Variants in CCDC88C observed in about 807,000 individuals in gnomAD.
CCDC88C encodes protein Daple.
Under a neutral mutation model 198.8 loss-of-function variants are expected in CCDC88C, and 131 were observed. The observed-to-expected ratio is 0.66, with a 90% CI of 0.57 to 0.76. The LOEUF (loss-of-function observed/expected upper bound fraction) is 0.76. Ranked by LOEUF, CCDC88C falls within the 30% of genes least tolerant of loss-of-function variation. The probability of loss-of-function intolerance (pLI) is 0.00; values close to 1 mark genes in which losing one functional copy is unlikely to be tolerated. For missense variants in CCDC88C, 2,553 were observed against 2,631.6 expected, an observed-to-expected ratio of 0.97 and a Z score of 0.65; for synonymous variants, 1,166 against 1,114.7, an observed-to-expected ratio of 1.05 and a Z score of -0.92.
At chr14:91,394,523 G>A (rs1033316150) in intron 3 of CCDC88C, among the ~76,000 whole-genome samples, 16 of 152,212 alleles carry the variant, frequency 1.1e-4, no homozygotes, top group East Asian at 1.9e-4. Flanking sequence ...GTGTGACACC[G>A]TGCTCCCTGA....
chr14:91,376,164 C>A (rs1470530875), intron 3 of CCDC88C, among the ~76,000 whole-genome samples: 1 of 151,854 alleles, frequency 6.6e-6, no homozygotes, highest in African/African-American at 2.4e-5. Context: ...CCCCCCAGGA[C>A]AGGGTGACGA....
chr14:91,362,934 A>AG (rs953889108), intron 3 of CCDC88C, among the ~76,000 whole-genome samples: 1 of 145,670 alleles, frequency 6.9e-6, no homozygotes, highest in African/African-American at 2.8e-5. Context: ...ATCTCAGGAA[A>AG]AAAAAAAAAA....
chr14:91,368,207 C>T (rs1894627494), intron 3 of CCDC88C, among the ~76,000 whole-genome samples: 3 of 152,180 alleles, frequency 2.0e-5, no homozygotes. Context: ...ACCTACTGTT[C>T]TGCTCTATCA....
chr14:91,370,465 C>G (rs1218141088), intron 3 of CCDC88C, among the ~76,000 whole-genome samples: 1 of 152,188 alleles, frequency 6.6e-6, no homozygotes, highest in Non-Finnish European at 1.5e-5. Flanking sequence ...TGGGTGATGC[C>G]CTGGATTGCT....
At chr14:91,299,465 G>A (rs1431696462) in intron 21 of CCDC88C, among the ~76,000 whole-genome samples, 1 of 152,198 alleles carries the variant, frequency 6.6e-6, no homozygotes, top group African/African-American at 2.4e-5. Flanking sequence ...GGGAAGGTGC[G>A]CATCCAGTGA....
intron 3 of CCDC88C, among the ~76,000 whole-genome samples, chr14:91,391,257 C>CAA (rs144036813): frequency 1.4e-5 from 2 of 142,016 alleles, no homozygotes; most frequent in African/African-American, 5.2e-5. Flanking sequence ...CAAAACAAAA[C>CAA]AAAAAAAAAA....
intron 3 of CCDC88C, among the ~76,000 whole-genome samples, chr14:91,373,917 C>T (rs1049149375): frequency 6.6e-6 from 1 of 152,190 alleles, no homozygotes. Flanking sequence ...CCTCAAACCC[C>T]TCCGCCGGCA....
intron 16 of CCDC88C, 46 bp downstream of exon 16, chr14:91,309,813 T>C (rs1052930636): frequency 1.4e-5 from 22 of 1,581,996 alleles, no homozygotes; most frequent in Non-Finnish European, 1.9e-5. Flanking sequence ...GACTGAACAG[T>C]GGAGGAAGTG....
chr14:91,376,776 G>A (rs971912406), intron 3 of CCDC88C, among the ~76,000 whole-genome samples: 3 of 152,186 alleles, frequency 2.0e-5, no homozygotes, highest in Non-Finnish European at 4.4e-5. Context: ...TCAGCCCCCA[G>A]CTGGCTGCCC....
intron 3 of CCDC88C, among the ~76,000 whole-genome samples, chr14:91,383,512 A>G (rs1884937334): frequency 6.6e-6 from 1 of 152,038 alleles, no homozygotes; most frequent in Non-Finnish European, 1.5e-5. Flanking sequence ...GAAAGTGGGG[A>G]GCCAGGGACA....
At chr14:91,291,712 G>T (rs935707844) in intron 23 of CCDC88C, among the ~76,000 whole-genome samples, 12 of 152,082 alleles carry the variant, frequency 7.9e-5, no homozygotes, top group Admixed American at 1.3e-4. Flanking sequence ...AGGGCACAGT[G>T]GGGCGGACTT....
intron 3 of CCDC88C, among the ~76,000 whole-genome samples, chr14:91,365,353 G>A (rs948634274): frequency 3.3e-5 from 5 of 152,204 alleles, no homozygotes; most frequent in African/African-American, 1.2e-4. Flanking sequence ...AAGGAAAGGG[G>A]TCTGAGCGCC....
chr14:91,411,710 C>T (rs1886795956), intron 2 of CCDC88C, among the ~76,000 whole-genome samples: 1 of 152,058 alleles, frequency 6.6e-6, no homozygotes, highest in Non-Finnish European at 1.5e-5. Flanking sequence ...TGCCTGTAAC[C>T]CCAGCACTTT....
chr14:91,382,698 T>G (rs1247920886), intron 3 of CCDC88C, among the ~76,000 whole-genome samples: 2 of 152,214 alleles, frequency 1.3e-5, no homozygotes, highest in African/African-American at 4.8e-5. Flanking sequence ...TCCCAAGGAC[T>G]ACCTGGCCTC....
rs762391668 is a variant in CCDC88C at position 91,313,838 on chromosome 14, T to C, written c.1978A>G (p.Lys660Glu). The change falls in exon 15 of 30, where the codon AAA (lysine) becomes GAA (glutamate). Residue 660 changes from lysine to glutamate, a missense_variant. By Grantham distance (56) the Lys-to-Glu change is moderately conservative. Transcript: ENST00000389857. This position sits in a 1 kb window ranked among gnomAD's most constrained non-coding sequence, Gnocchi z 5.2. ...CTCTCATGCTCCAGGGCCTCGACTT[T>C]CTCGGTGGCTGTCTCCAGGGAGGTC... is the stretch of plus-strand genomic sequence containing the variant. ...KVTSLETATE[K>E]VEALEHESQG... The C allele has an allele frequency of 1.2e-6, 2 of 1,603,488 alleles. No homozygotes were observed. The highest frequency in any genetic ancestry group is 2.2e-5 in the South Asian group (2 of 90,626).
chr14:91,415,749 T>G (rs1161917178), intron 2 of CCDC88C, among the ~76,000 whole-genome samples: 1 of 151,682 alleles, frequency 6.6e-6, no homozygotes, highest in Non-Finnish European at 1.5e-5. Flanking sequence ...GGTTCTTGAA[T>G]TATTTTTTTC....
At chr14:91,387,366 C>G (rs76585928) in intron 3 of CCDC88C, among the ~76,000 whole-genome samples, 195 of 152,244 alleles carry the variant, frequency 1.3e-3, no homozygotes, top group African/African-American at 4.5e-3. Context: ...CGAATTGGCT[C>G]AGATGACGGT....
intron 25 of CCDC88C, among the ~76,000 whole-genome samples, chr14:91,287,110 T>G (rs1297113611): frequency 6.6e-6 from 1 of 152,214 alleles, no homozygotes; most frequent in African/African-American, 2.4e-5. Context: ...CTGATTATAG[T>G]TAATTAATTC....
chr14:91,366,716 A>T (rs1894559718), intron 3 of CCDC88C, among the ~76,000 whole-genome samples: 1 of 152,214 alleles, frequency 6.6e-6, no homozygotes, highest in Non-Finnish European at 1.5e-5. Flanking sequence ...AACAGATGGG[A>T]GCCAGGAGCA....
Sources: allele counts gnomAD v4.1 joint callset (sites outside exome capture counted in the v4.1 genomes callset), GRCh38; gene constraint gnomAD v4.1.1; non-coding constraint Gnocchi (gnomAD v3.1); transcripts MANE v1.5; gene names NCBI Gene and HGNC (gene_info 2026-07-23, HGNC 2026-07-21).